The following PAPPA2 variants were observed in gnomAD, a reference collection of about 807,000 sequenced individuals.
The protein encoded by PAPPA2 is pappalysin 2.
A neutral mutation model predicts 176.4 loss-of-function variants in PAPPA2; 86 were observed. The observed-to-expected ratio is 0.49, with a 90% CI of 0.41 to 0.58. The LOEUF (loss-of-function observed/expected upper bound fraction) is 0.58, where lower values mean the gene tolerates loss of function less well. PAPPA2 is among the 20% of genes least tolerant of loss of function. The probability of loss-of-function intolerance (pLI) is 0.00; values close to 1 mark genes in which losing one functional copy is unlikely to be tolerated. For missense variants in PAPPA2, 2,073 were observed against 2,256.9 expected (o/e 0.92, Z 1.65); for synonymous variants, 809 against 852.2 (o/e 0.95, Z 0.88).
chr1:176,718,052 G>C (rs1440636214), intron 12 of PAPPA2, among the ~76,000 whole-genome samples: 1 of 152,048 alleles, frequency 6.6e-6, no homozygotes, highest in Non-Finnish European at 1.5e-5. Flanking sequence ...ATTCATCAGT[G>C]AAACTATCTG....
chr1:176,739,353 A>C (rs1036126718), intron 12 of PAPPA2, among the ~76,000 whole-genome samples: 2 of 152,142 alleles, frequency 1.3e-5, no homozygotes, highest in African/African-American at 4.8e-5. Flanking sequence ...AAAGAAAGAC[A>C]GGGTCAAGTA....
At chr1:176,487,759 G>C (rs1302144145) in intron 1 of PAPPA2, among the ~76,000 whole-genome samples, 1 of 152,158 alleles carries the variant, frequency 6.6e-6, no homozygotes, top group Non-Finnish European at 1.5e-5. Flanking sequence ...CCCCAAAAGG[G>C]TTTAGAGTCA....
intron 3 of PAPPA2, among the ~76,000 whole-genome samples, chr1:176,660,140 G>T (rs186841011): frequency 1.3e-5 from 2 of 152,152 alleles, no homozygotes; most frequent in South Asian, 2.1e-4. Flanking sequence ...CTTAAAGAAG[G>T]ATAGCACTGA....
chr1:176,500,638 C>A (rs999080245), intron 1 of PAPPA2, among the ~76,000 whole-genome samples: 3 of 151,724 alleles, frequency 2.0e-5, no homozygotes, highest in African/African-American at 7.3e-5. Context: ...TATTTCAAAT[C>A]TTTTTGAACA....
At chr1:176,470,517 A>G (rs1651821695) in intron 1 of PAPPA2, among the ~76,000 whole-genome samples, 1 of 152,176 alleles carries the variant, frequency 6.6e-6, no homozygotes, top group Non-Finnish European at 1.5e-5. Flanking sequence ...GGGGAGAGGA[A>G]TGATCAGGCC....
intron 3 of PAPPA2, among the ~76,000 whole-genome samples, chr1:176,609,502 T>C (rs1654791711): frequency 1.3e-5 from 2 of 152,104 alleles, no homozygotes; most frequent in African/African-American, 4.8e-5. Context: ...AGTGTATCCA[T>C]AGAAAGTCTT....
rs547674793 is a variant in PAPPA2 at position 176,831,136 on chromosome 1, CAAGGAGTGATTCAGTGCAGAAGGAAT to C, written c.5203-9034_5203-9009del. ...GGAGTTGGGTTTGGTGCAGAAGGGTCAAGGAGTGATTCAGTGCAGAAGGAATAAAGGTGGTTGGGGAAGTGGAGCAC... is the reference window on the plus strand; with the variant it reads ...GGAGTTGGGTTTGGTGCAGAAGGGTCAAAGGTGGTTGGGGAAGTGGAGCAC... On this transcript the variant is annotated intron_variant, in intron 21 of 22. Coordinates refer to ENST00000367662, the MANE Select transcript of PAPPA2 (RefSeq NM_020318.3). 1.7e-3 allele frequency among the ~76,000 whole-genome samples: 251 copies of C among 152,096 alleles called. 1 individual carries two copies. The highest frequency in any genetic ancestry group is 2.7e-3 in the Admixed American group (42 of 15,280).
intron 1 of PAPPA2, among the ~76,000 whole-genome samples, chr1:176,503,446 C>T (rs1648077381): frequency 6.6e-6 from 1 of 152,166 alleles, no homozygotes; most frequent in Non-Finnish European, 1.5e-5. Flanking sequence ...TGTAACACAA[C>T]ATATTTACAG....
rs932174357 is a variant in PAPPA2 at position 176,465,713 on chromosome 1, GT to G, written c.-917+2304del. Among the ~76,000 whole-genome samples the G allele has an allele frequency of 3.0e-3, 445 of 147,464 alleles. 4 individuals carry two copies. The highest frequency in any genetic ancestry group is 0.011 in the African/African-American group (429 of 40,030). On this transcript the variant is annotated intron_variant, in intron 1 of 22. Coordinates refer to ENST00000367662, the MANE Select transcript of PAPPA2 (RefSeq NM_020318.3). ...TTATATAGGTAAACTTGTGTCATGG[GT>G]TTTTTTTTGCATAGGTTATTTCATC...
At position 176,544,151 on chromosome 1, in the gene PAPPA2, T is replaced by C. The variant is rs1351315305; in HGVS notation, c.-916-11256T>C. 4.6e-5 allele frequency among the ~76,000 whole-genome samples: 7 copies of C among 152,342 alleles called. No individual in the cohort carries two copies. The East Asian group carries it at 1.3e-3, about 29-fold the overall frequency. On this transcript the variant is annotated intron_variant, in intron 1 of 22. Coordinates refer to ENST00000367662, the MANE Select transcript of PAPPA2 (RefSeq NM_020318.3). Reference sequence around the variant, plus strand: ...ATCCAGAGCCTAGGGAAGACCTCAATCTTGATGTCAGGCTTGTAGAAACAC... The same window carrying C: ...ATCCAGAGCCTAGGGAAGACCTCAACCTTGATGTCAGGCTTGTAGAAACAC...
Position 176,623,615 on chromosome 1 carries a change from C to T in PAPPA2, c.1991+28020C>T, listed in dbSNP as rs1041931003. On this transcript the variant is annotated intron_variant, in intron 3 of 22. Coordinates refer to ENST00000367662, the MANE Select transcript of PAPPA2 (RefSeq NM_020318.3). ...CCTTCCTTCCTTCCTTCCTTCCTTC[C>T]TTCCTTCCTTTTTTACTTTCTTTCT... is the stretch of plus-strand genomic sequence containing the variant. Among the ~76,000 whole-genome samples the T allele has an allele frequency of 3.6e-3, 419 of 116,654 alleles. 5 individuals are homozygous for T. The highest frequency in any genetic ancestry group is 9.2e-3 in the African/African-American group (263 of 28,590). The allele number at this position is 116,654 out of a possible 152,430, so 76.5% of individuals were successfully genotyped here.
intron 4 of PAPPA2, among the ~76,000 whole-genome samples, chr1:176,682,464 G>A (rs776431222): frequency 3.3e-5 from 5 of 152,052 alleles, no homozygotes; most frequent in Non-Finnish European, 5.9e-5. Flanking sequence ...TGTTTTTATT[G>A]TTATGGATCT....
At chr1:176,520,872 C>T (rs60772204) in intron 1 of PAPPA2, among the ~76,000 whole-genome samples, 2,185 of 152,090 alleles carry the variant, frequency 0.014, 56 homozygotes, top group African/African-American at 0.05. Context: ...CTCAGCTACT[C>T]GGGAGACTGA....
intron 17 of PAPPA2, among the ~76,000 whole-genome samples, chr1:176,777,453 T>C (rs115727044): frequency 1.6e-3 from 249 of 152,266 alleles, no homozygotes; most frequent in African/African-American, 5.9e-3. Context: ...TGGGAAAATT[T>C]TTTTGGAATT....
intron 3 of PAPPA2, among the ~76,000 whole-genome samples, chr1:176,631,054 A>C (rs977325077): frequency 6.6e-6 from 1 of 152,222 alleles, no homozygotes; most frequent in Non-Finnish European, 1.5e-5. Flanking sequence ...GAGACGTTAG[A>C]AGAAAAATGC....
intron 2 of PAPPA2, among the ~76,000 whole-genome samples, chr1:176,563,047 A>G (rs1651763293): frequency 6.6e-6 from 1 of 152,108 alleles, no homozygotes; most frequent in African/African-American, 2.4e-5. Flanking sequence ...TCCACTGGTA[A>G]TTCCTCCAGA....
At chr1:176,666,477 G>A (rs1658645603) in intron 3 of PAPPA2, among the ~76,000 whole-genome samples, 1 of 151,984 alleles carries the variant, frequency 6.6e-6, no homozygotes, top group African/African-American at 2.4e-5. Flanking sequence ...AAAAATGAGA[G>A]GGTGTTAGCT....
chr1:176,814,473 A>G (rs1276304492), intron 21 of PAPPA2, among the ~76,000 whole-genome samples: 2 of 151,984 alleles, frequency 1.3e-5, no homozygotes, highest in Non-Finnish European at 2.9e-5. Flanking sequence ...GTGGTGATTT[A>G]TAGCTCTTCT....
rs1488111732 is a variant in PAPPA2 at position 176,706,214 on chromosome 1, G to A, written c.3366-145G>A. 9 of 628,486 alleles carry A rather than the reference G, an allele frequency of 1.4e-5. No homozygotes were observed. The East Asian group carries it at 2.5e-4, about 18-fold the overall frequency. The allele number at this position is 628,486 out of a possible 1,614,324, so 38.9% of individuals were successfully genotyped here. A position where few individuals can be genotyped will look rare whatever the true frequency, so the allele number is the denominator to read the frequency against. On this transcript the variant is annotated intron_variant, in intron 9 of 22. Coordinates refer to ENST00000367662, the MANE Select transcript of PAPPA2 (RefSeq NM_020318.3). The stretch of plus-strand genomic sequence containing the variant: ...ATCCATATGTTTGTTTCTATTTTCT[G>A]TAAAAGCATTCTTCTAGCTCCTACT...
Sources: allele counts gnomAD v4.1 joint callset (sites outside exome capture counted in the v4.1 genomes callset), GRCh38; gene constraint gnomAD v4.1.1; transcripts MANE v1.5; gene names NCBI Gene and HGNC (gene_info 2026-07-23, HGNC 2026-07-21).